Variants in RIT2 observed in about 807,000 individuals in gnomAD.
RIT2 encodes GTP-binding protein Rit2.
RIT2 carries 24 observed loss-of-function variants against 23.7 expected under a neutral mutation model. The observed-to-expected ratio is 1.01, with a 90% CI of 0.73 to 1.43. The LOEUF (loss-of-function observed/expected upper bound fraction) is 1.43. Ranked by LOEUF, RIT2 falls within the 40% of genes most tolerant of loss-of-function variation. The probability of loss-of-function intolerance (pLI) is 0.00; values close to 1 mark genes in which losing one functional copy is unlikely to be tolerated. For synonymous variants in RIT2, 107 were observed against 91.1 expected, an observed-to-expected ratio of 1.17 and a Z score of -0.99; for missense variants, 236 against 266.9, an observed-to-expected ratio of 0.88 and a Z score of 0.81.
chr18:43,026,634 AAG>A (rs778464703), intron 2 of RIT2, among the ~76,000 whole-genome samples: 3 of 100,278 alleles, frequency 3.0e-5, no homozygotes, highest in South Asian at 3.5e-4. Flanking sequence ...GAAAGAAAGA[AAG>A]AGAGAAAGAA....
intron 4 of RIT2, among the ~76,000 whole-genome samples, chr18:42,840,490 C>T (rs939628199): frequency 1.3e-5 from 2 of 152,114 alleles, no homozygotes; most frequent in African/African-American, 4.8e-5. Flanking sequence ...GAGTTTGACA[C>T]ACATTGCTTT....
intron 1 of RIT2, among the ~76,000 whole-genome samples, chr18:43,049,959 G>A (rs1425041022): frequency 8.5e-6 from 1 of 116,990 alleles, no homozygotes; most frequent in Non-Finnish European, 1.8e-5. Context: ...ATGGGTAATT[G>A]AGAAGGGATT....
intron 3 of RIT2, 68 bp downstream of exon 3, chr18:42,974,006 G>T: frequency 1.0e-6 from 1 of 992,220 alleles, no homozygotes; most frequent in Non-Finnish European, 1.5e-6. Flanking sequence ...CTCCTTTGTT[G>T]TAAATATATT....
intron 1 of RIT2, among the ~76,000 whole-genome samples, chr18:43,058,711 AC>A (rs1306252084): frequency 6.6e-6 from 1 of 151,942 alleles, no homozygotes; most frequent in African/African-American, 2.4e-5. Context: ...ACATGGCAAA[AC>A]CCTGTCTCTA....
At chr18:42,778,746 T>C (rs542647689) in intron 4 of RIT2, among the ~76,000 whole-genome samples, 1 of 152,308 alleles carries the variant, frequency 6.6e-6, no homozygotes, top group African/African-American at 2.4e-5. Flanking sequence ...CAAATGTCTA[T>C]ATCCGAAGAG....
In RIT2 at chr18:42,874,054, T is replaced by C. The variant is rs542123105; in HGVS notation, c.426+49518A>G. On this transcript the variant is annotated intron_variant, in intron 4 of 4. Coordinates refer to ENST00000326695, the MANE Select transcript of RIT2 (RefSeq NM_002930.4). ...ATCACAACATCATTCCACTGAGAGA[T>C]GGAAGGGAGCAAATTATGAATCAAC... 6.3e-4 allele frequency among the ~76,000 whole-genome samples: 96 copies of C among 152,282 alleles called. 1 individual carries two copies. The Middle Eastern group carries it at 0.024, about 38-fold the overall frequency.
intron 4 of RIT2, among the ~76,000 whole-genome samples, chr18:42,881,625 T>C (rs1401207086): frequency 6.6e-6 from 1 of 152,236 alleles, no homozygotes; most frequent in Non-Finnish European, 1.5e-5. Context: ...TTCCCTCCTC[T>C]GCATACTCTG....
intron 1 of RIT2, among the ~76,000 whole-genome samples, chr18:43,051,627 A>C (rs560230926): frequency 6.6e-6 from 1 of 152,252 alleles, no homozygotes; most frequent in South Asian, 2.1e-4. Flanking sequence ...TATTTAAAAA[A>C]TTAACTATGA....
chr18:42,768,236 GACAGATT>G (rs1339201147), intron 4 of RIT2, among the ~76,000 whole-genome samples: 4 of 152,162 alleles, frequency 2.6e-5, no homozygotes, highest in African/African-American at 9.6e-5. Flanking sequence ...ATCAACCCAA[GACAGATT>G]TTGATGAGGA....
At chr18:42,804,244 A>T (rs1421546262) in intron 4 of RIT2, among the ~76,000 whole-genome samples, 1 of 152,174 alleles carries the variant, frequency 6.6e-6, no homozygotes, top group Non-Finnish European at 1.5e-5. Flanking sequence ...AACATGGATT[A>T]AGACTTATTT....
chr18:42,913,367 A>AG (rs1908822194), intron 4 of RIT2, among the ~76,000 whole-genome samples: 1 of 151,916 alleles, frequency 6.6e-6, no homozygotes, highest in Non-Finnish European at 1.5e-5. Flanking sequence ...AATTCATAAG[A>AG]GGGAAAAAAT....
intron 2 of RIT2, among the ~76,000 whole-genome samples, chr18:42,987,774 T>C (rs1910746047): frequency 6.6e-6 from 1 of 152,158 alleles, no homozygotes; most frequent in South Asian, 2.1e-4. Context: ...GGTGAACATC[T>C]GCTTCTGATG....
At chr18:43,093,232 C>G (rs1467941446) in intron 1 of RIT2, among the ~76,000 whole-genome samples, 1 of 148,546 alleles carries the variant, frequency 6.7e-6, no homozygotes, top group Non-Finnish European at 1.5e-5. Context: ...TTGAAGGCTA[C>G]TGTGGTATTT....
chr18:42,830,484 G>C (rs1043608480), intron 4 of RIT2, among the ~76,000 whole-genome samples: 1 of 152,166 alleles, frequency 6.6e-6, no homozygotes, highest in Non-Finnish European at 1.5e-5. Context: ...GAATTTTCCA[G>C]GGAGAAAAAG....
At position 42,965,824 on chromosome 18, in the gene RIT2, A is replaced by G. The variant is rs191998793; in HGVS notation, c.234+8250T>C. 5.6e-5 allele frequency among the ~76,000 whole-genome samples: 8 copies of G among 142,156 alleles called. No individual in the cohort carries two copies. In the East Asian group the frequency reaches 1.7e-3, roughly 29 times the overall value. The allele number at this position is 142,156 out of a possible 152,430, so 93.3% of individuals were successfully genotyped here. Reference sequence around the variant, plus strand: ...TTCCAACTAGGTGTCTTTTAATTATATCACTGATGTCATCAAAAAGTGATA... The same window carrying G: ...TTCCAACTAGGTGTCTTTTAATTATGTCACTGATGTCATCAAAAAGTGATA... On this transcript the variant is annotated intron_variant, in intron 3 of 4. Transcript: ENST00000326695.
chr18:42,936,505 G>A (rs1217075567), intron 3 of RIT2, among the ~76,000 whole-genome samples: 1 of 152,148 alleles, frequency 6.6e-6, no homozygotes. Context: ...ACCATTCTGA[G>A]TAATGTTGGA....
chr18:42,990,558 T>A (rs1409004425), intron 2 of RIT2, among the ~76,000 whole-genome samples: 1 of 152,184 alleles, frequency 6.6e-6, no homozygotes, highest in Non-Finnish European at 1.5e-5. Context: ...GTTAAAGAAA[T>A]GTTTTAATTT....
intron 2 of RIT2, among the ~76,000 whole-genome samples, chr18:42,993,358 GCCCGATTGC>G (rs1183293558): frequency 1.3e-5 from 2 of 152,126 alleles, no homozygotes; most frequent in Non-Finnish European, 2.9e-5. Context: ...GACTGACACT[GCCCGATTGC>G]CTCGGAAGCC....
intron 4 of RIT2, among the ~76,000 whole-genome samples, chr18:42,796,227 A>C (rs924821743): frequency 6.6e-6 from 1 of 152,168 alleles, no homozygotes; most frequent in Non-Finnish European, 1.5e-5. Flanking sequence ...CCAGGAGCTC[A>C]CTGGGAGGAA....
Sources: gnomAD v4.1 joint callset for allele counts (sites outside exome capture counted in the v4.1 genomes callset) on GRCh38, gnomAD v4.1.1 for gene constraint, MANE v1.5 for transcripts, NCBI Gene and HGNC (gene_info 2026-07-23, HGNC 2026-07-21) for gene names.